Variants in TLCD4 observed in about 807,000 individuals in gnomAD.
TLCD4 encodes TLC domain-containing protein 4.
Under a neutral mutation model 24.2 loss-of-function variants are expected in TLCD4, and 7 were observed. That is an observed-to-expected ratio of 0.29 (90% CI 0.16 to 0.54). The LOEUF (loss-of-function observed/expected upper bound fraction) is 0.54, where lower values mean the gene tolerates loss of function less well. Ranked by LOEUF, TLCD4 falls within the 20% of genes least tolerant of loss-of-function variation. The pLI is 0.95. For synonymous variants in TLCD4, 103 were observed against 106.4 expected (o/e 0.97, Z 0.20); for missense variants, 259 against 313.9 (o/e 0.82, Z 1.32).
chr1:95,188,585 G>C (rs1374689323), intron 6 of TLCD4, among the ~76,000 whole-genome samples: 1 of 151,786 alleles, frequency 6.6e-6, no homozygotes, highest in Non-Finnish European at 1.5e-5. Flanking sequence ...TATCAGTATT[G>C]ATTTCTGGAT....
At chr1:95,121,830 A>G (rs1380417577) in intron 1 of TLCD4, among the ~76,000 whole-genome samples, 1 of 152,276 alleles carries the variant, frequency 6.6e-6, no homozygotes, top group Admixed American at 6.5e-5. Flanking sequence ...CCTTAGAAGT[A>G]TAGATCTGTG....
chr1:95,093,257 A>G, the TLCD4 span, among the ~76,000 whole-genome samples: 2 of 152,326 alleles, frequency 1.3e-5, no homozygotes, highest in African/African-American at 4.8e-5. Flanking sequence ...TTTCATGGCC[A>G]GTGGAGAGAT....
At chr1:95,104,554 A>T in the TLCD4 span, among the ~76,000 whole-genome samples, 1 of 150,956 alleles carries the variant, frequency 6.6e-6, no homozygotes, top group Non-Finnish European at 1.5e-5. Flanking sequence ...AGTCCCAGCT[A>T]CTCGGGAGGC....
chr1:95,114,253 A>G (rs1676389212), upstream of TLCD4, among the ~76,000 whole-genome samples: 1 of 152,162 alleles, frequency 6.6e-6, no homozygotes, highest in Non-Finnish European at 1.5e-5. Context: ...TTATAAAACT[A>G]CAAACACTCT....
the TLCD4 span, among the ~76,000 whole-genome samples, chr1:95,111,710 G>T: frequency 6.6e-6 from 1 of 152,142 alleles, no homozygotes; most frequent in African/African-American, 2.4e-5. Flanking sequence ...GGAAGGCAGG[G>T]GCAGGGCACA....
chr1:95,153,812 T>G (rs997370), intron 5 of TLCD4, among the ~76,000 whole-genome samples: 90,491 of 151,960 alleles, frequency 0.6, 30,671 homozygotes, highest in Non-Finnish European at 0.76. Flanking sequence ...CTAAGAACTA[T>G]AAGGACATGA....
At chr1:95,119,440 T>C (rs1324491009) in intron 1 of TLCD4, among the ~76,000 whole-genome samples, 1 of 152,144 alleles carries the variant, frequency 6.6e-6, no homozygotes, top group Non-Finnish European at 1.5e-5. Context: ...AAAGAAGTAG[T>C]GGCTTTGTAG....
intron 6 of TLCD4, among the ~76,000 whole-genome samples, chr1:95,182,760 A>G (rs1190634849): frequency 6.6e-6 from 1 of 152,194 alleles, no homozygotes; most frequent in Non-Finnish European, 1.5e-5. Context: ...TTTAAGACCT[A>G]TCATTGATTG....
upstream of TLCD4, among the ~76,000 whole-genome samples, chr1:95,116,311 G>A (rs562278549): frequency 6.6e-6 from 1 of 152,246 alleles, no homozygotes; most frequent in East Asian, 1.9e-4. Flanking sequence ...TCCAGGTTCT[G>A]ATTTAAATTC....
chr1:95,171,797 G>A (rs961816575), intron 5 of TLCD4, among the ~76,000 whole-genome samples: 34 of 152,182 alleles, frequency 2.2e-4, no homozygotes, highest in African/African-American at 8.2e-4. Context: ...AGTTTGAATT[G>A]TGTCCCCTCC....
intron 1 of TLCD4, chr1:95,117,863 C>G (rs1005849215): frequency 9.3e-5 from 14 of 151,336 alleles, no homozygotes; most frequent in Non-Finnish European, 4.4e-5. Flanking sequence ...CCCCGCCCGG[C>G]GGGCCACGGC....
Position 95,196,083 on chromosome 1 carries a change from A to C in TLCD4, c.*4215A>C, listed in dbSNP as rs1679196213. ...AAATCATGACTTATTAAGAGACTAC[A>C]GGAAGCCATTCAGCATTTAATAATA... is the stretch of plus-strand genomic sequence containing the variant. On this transcript the variant is annotated 3_prime_UTR_variant, in exon 7 of 7. Coordinates refer to ENST00000370203, the MANE Select transcript of TLCD4 (RefSeq NM_152487.3). The C allele has an allele frequency of 6.6e-6, 1 of 152,216 alleles. No individual in the cohort carries two copies. The highest frequency in any genetic ancestry group is 1.5e-5 in the Non-Finnish European group (1 of 68,024). The allele number at this position is 152,216 out of a possible 1,614,324, so 9.4% of individuals were successfully genotyped here.
At chr1:95,139,455 ATTTT>A (rs200337389) in intron 1 of TLCD4, among the ~76,000 whole-genome samples, 5 of 93,992 alleles carry the variant, frequency 5.3e-5, no homozygotes, top group African/African-American at 1.2e-4. Context: ...TAAACCTTTG[ATTTT>A]TTTTTTTTTT....
At chr1:95,155,365 G>T (rs1312277369) in intron 5 of TLCD4, among the ~76,000 whole-genome samples, 2 of 152,138 alleles carry the variant, frequency 1.3e-5, no homozygotes, top group East Asian at 3.9e-4. Flanking sequence ...CTTAAAGGTA[G>T]ATGACAGAGT....
chr1:95,113,902 G>A (rs183464315), upstream of TLCD4, among the ~76,000 whole-genome samples: 17 of 151,988 alleles, frequency 1.1e-4, no homozygotes, highest in African/African-American at 4.1e-4. Flanking sequence ...TGGTATCTGT[G>A]ACTGGCCACT....
intron 2 of TLCD4, among the ~76,000 whole-genome samples, chr1:95,144,724 T>C (rs1677301504): frequency 1.3e-5 from 2 of 152,136 alleles, no homozygotes; most frequent in African/African-American, 4.8e-5. Flanking sequence ...AGAGTCCCGT[T>C]CTGTCGCCCA....
intron 6 of TLCD4, among the ~76,000 whole-genome samples, chr1:95,189,552 TC>T (rs964927800): frequency 9.2e-5 from 14 of 152,126 alleles, no homozygotes; most frequent in Admixed American, 5.9e-4. Context: ...ACCTACTCAA[TC>T]CCCTTCCACT....
At chr1:95,154,597 T>C (rs1457600609) in intron 5 of TLCD4, among the ~76,000 whole-genome samples, 1 of 152,070 alleles carries the variant, frequency 6.6e-6, no homozygotes, top group African/African-American at 2.4e-5. Flanking sequence ...TGATGGTCTC[T>C]ATCTTTGTAA....
At chr1:95,137,333 C>G (rs757052074) in intron 1 of TLCD4, among the ~76,000 whole-genome samples, 5 of 152,136 alleles carry the variant, frequency 3.3e-5, no homozygotes, top group African/African-American at 4.8e-5. Flanking sequence ...CCAGCTTCCC[C>G]CTTCTTTGCT....
Sources: allele counts gnomAD v4.1 joint callset (sites outside exome capture counted in the v4.1 genomes callset), GRCh38; gene constraint gnomAD v4.1.1; transcripts MANE v1.5; gene names NCBI Gene and HGNC (gene_info 2026-07-23, HGNC 2026-07-21).